DLG5: variants seen among roughly 807,000 people sequenced by gnomAD.
DLG5 encodes disks large homolog 5.
In DLG5, 48 loss-of-function variants were observed where a neutral mutation model predicts 189.8. The observed-to-expected ratio is 0.25, with a 90% CI of 0.20 to 0.32. The LOEUF (loss-of-function observed/expected upper bound fraction) is 0.32, where lower values mean the gene tolerates loss of function less well. DLG5 is among the 10% of genes least tolerant of loss of function. DLG5 has a pLI of 1.00. For synonymous variants in DLG5, 1,016 were observed against 1,054.1 expected (o/e 0.96, Z 0.70); for missense variants, 2,160 against 2,544.7 (o/e 0.85, Z 3.25).
intron 5 of DLG5, among the ~76,000 whole-genome samples, chr10:77,844,586 G>C (rs1843593093): frequency 6.6e-6 from 1 of 152,222 alleles, no homozygotes; most frequent in Non-Finnish European, 1.5e-5. Flanking sequence ...TCTAGCACTG[G>C]TCTAGGGGCT....
At chr10:77,921,461 A>G (rs978288674) in intron 1 of DLG5, among the ~76,000 whole-genome samples, 1 of 152,212 alleles carries the variant, frequency 6.6e-6, no homozygotes, top group Non-Finnish European at 1.5e-5. Context: ...ACAAACTTCC[A>G]GCTCTAATTT....
At chr10:77,878,645 G>A (rs947843327) in intron 1 of DLG5, among the ~76,000 whole-genome samples, 6 of 152,194 alleles carry the variant, frequency 3.9e-5, no homozygotes, top group Non-Finnish European at 5.9e-5. Context: ...CATGAGTGTC[G>A]CCTCTCAATA....
At chr10:77,793,769 G>A in intron 31 of DLG5, 1 of 553,452 alleles carries the variant, frequency 1.8e-6, no homozygotes, top group South Asian at 2.1e-5. Context: ...GTGAAAATGA[G>A]CAGGCAAGCC....
In DLG5 at chr10:77,853,336, TC is replaced by T; in HGVS notation, c.864+17del. The T allele has an allele frequency of 6.7e-7, 1 of 1,487,984 alleles. No homozygotes were observed. The highest frequency in any genetic ancestry group is 9.0e-7 in the Non-Finnish European group (1 of 1,105,190). The allele number at this position is 1,487,984 out of a possible 1,614,324, so 92.2% of individuals were successfully genotyped here. A position where few individuals can be genotyped will look rare whatever the true frequency, so the allele number is the denominator to read the frequency against. On this transcript the variant is annotated intron_variant, in intron 5 of 31. Coordinates refer to ENST00000372391, the MANE Select transcript of DLG5 (RefSeq NM_004747.4). ...GACTACTTGGGAGAAATGGCCAGTC[TC>T]CAGGGGCTGGGCCTACCTGCTGCTG...
At chr10:77,918,018 CA>C (rs946645342) in intron 1 of DLG5, among the ~76,000 whole-genome samples, 18 of 117,332 alleles carry the variant, frequency 1.5e-4, no homozygotes, top group East Asian at 2.9e-4. Context: ...AACTCTGTCT[CA>C]AAAAAAAAAA....
Position 77,854,085 on chromosome 10 carries a change from C to A in DLG5, c.680+142G>T, listed in dbSNP as rs150947380. 3.1e-3 allele frequency: 3,361 copies of A among 1,083,888 alleles called. 47 individuals are homozygous for A. The highest frequency in any genetic ancestry group is 0.027 in the South Asian group (1,638 of 59,686). The allele number at this position is 1,083,888 out of a possible 1,614,324, so 67.1% of individuals were successfully genotyped here. ...AAAACTGAGGCCCAAAGGCACAAAT[C>A]CACCTGCTGTAGGCAGACTGCTTGC... On this transcript the variant is annotated intron_variant, in intron 4 of 31. Coordinates refer to ENST00000372391, the MANE Select transcript of DLG5 (RefSeq NM_004747.4).
At chr10:77,888,237 G>C (rs1411228406) in intron 1 of DLG5, among the ~76,000 whole-genome samples, 1 of 152,204 alleles carries the variant, frequency 6.6e-6, no homozygotes, top group Non-Finnish European at 1.5e-5. Context: ...AGAGCAGAAT[G>C]AATTACTAGG....
intron 27 of DLG5, among the ~76,000 whole-genome samples, chr10:77,803,417 A>G (rs919750359): frequency 6.6e-6 from 1 of 152,236 alleles, no homozygotes; most frequent in Non-Finnish European, 1.5e-5. Flanking sequence ...TGGATTTAAA[A>G]AGTCCCACAT....
At chr10:77,798,716 T>A (rs1257188642) in intron 27 of DLG5, among the ~76,000 whole-genome samples, 1 of 152,190 alleles carries the variant, frequency 6.6e-6, no homozygotes, top group Non-Finnish European at 1.5e-5. Flanking sequence ...TAACACTTAT[T>A]CTGGATCGAC....
At chr10:77,875,034 A>G (rs911277545) in intron 1 of DLG5, among the ~76,000 whole-genome samples, 3 of 152,250 alleles carry the variant, frequency 2.0e-5, no homozygotes, top group African/African-American at 2.4e-5. Flanking sequence ...ATTAATTTCC[A>G]TAACAACCCA....
At chr10:77,910,163 G>A (rs1846177930) in intron 1 of DLG5, among the ~76,000 whole-genome samples, 1 of 152,206 alleles carries the variant, frequency 6.6e-6, no homozygotes, top group African/African-American at 2.4e-5. Context: ...ATGGACGAAT[G>A]CTGTGACGAA....
At chr10:77,856,453 GACACAC>G (rs58908767) in intron 3 of DLG5, among the ~76,000 whole-genome samples, 41 of 149,970 alleles carry the variant, frequency 2.7e-4, no homozygotes, top group South Asian at 4.2e-4. Context: ...CAGTGGTAGG[GACACAC>G]ACACACACAC....
chr10:77,926,655 C>A lies in DLG5; in HGVS notation c.-135G>T, dbSNP rs1377350000. The A allele has an allele frequency of 1.7e-6, 1 of 582,720 alleles. No homozygotes were observed. Among genetic ancestry groups the A allele is most frequent in the African/African-American group, 2.0e-5 (1 of 49,260 alleles). 36.1% of individuals were successfully genotyped at this position (582,720 alleles called of 1,614,324 possible). On this transcript the variant is annotated 5_prime_UTR_variant, in exon 1 of 32. Transcript: ENST00000372391. The surrounding 1 kb of genome is among the most constrained non-coding windows in gnomAD (Gnocchi z 5.2). ...AGGCGGCGGGAGCCATGGGCCGGGG[C>A]CTGGGCGGGCTGGGGGCCCGGGGCG...
intron 20 of DLG5, among the ~76,000 whole-genome samples, chr10:77,814,457 A>ATG (rs1841936331): frequency 8.8e-6 from 1 of 113,874 alleles, no homozygotes; most frequent in Non-Finnish European, 1.8e-5. Flanking sequence ...ATAATAAAGC[A>ATG]TGTTTATATA....
the DLG5 span, among the ~76,000 whole-genome samples, chr10:77,935,886 T>C: frequency 1.3e-5 from 2 of 152,150 alleles, no homozygotes; most frequent in Non-Finnish European, 2.9e-5. Context: ...GATGCAACAT[T>C]TAAAAGGATT....
intron 14 of DLG5, 68 bp downstream of exon 14, chr10:77,824,316 T>C (rs1842508152): frequency 1.7e-6 from 2 of 1,210,236 alleles, no homozygotes; most frequent in South Asian, 1.3e-5. Context: ...AGGAGTAGCA[T>C]GGCTATGTGG....
rs1842066841 is a variant in DLG5 at position 77,816,644 on chromosome 10, G to A, written c.3932C>T (p.Thr1311Ile). The change falls in exon 20 of 32, where the codon ACC becomes ATC. Residue 1311 changes from threonine to isoleucine, a missense_variant. By Grantham distance (89) the Thr-to-Ile change is moderately conservative. Coordinates refer to ENST00000372391, the MANE Select transcript of DLG5 (RefSeq NM_004747.4). ...CTGGGACTGGCTACAAGAGGACAGG[G>A]TGTCGATGTTCAGGGGTGACTGTGG... ...TPPQSPLNID[T>I]LSSCSQSQTS... The A allele has an allele frequency of 1.2e-6, 2 of 1,614,048 alleles. No homozygotes were observed. Among genetic ancestry groups the A allele is most frequent in the African/African-American group, 1.3e-5 (1 of 74,934 alleles).
At position 77,918,356 on chromosome 10, in the gene DLG5, G is replaced by A. The variant is rs528021282; in HGVS notation, c.304+7861C>T. Among the ~76,000 whole-genome samples the A allele has an allele frequency of 1.8e-3, 275 of 152,024 alleles. 1 individual carries two copies. Among genetic ancestry groups the A allele is most frequent in the African/African-American group, 6.2e-3 (257 of 41,484 alleles). On this transcript the variant is annotated intron_variant, in intron 1 of 31. Transcript: ENST00000372391. ...GCAACTGGGGAGGCGAAGGTTGCATGAGCCGAGATCGCACCATTGCACTCC... is the reference window on the plus strand; with the variant it reads ...GCAACTGGGGAGGCGAAGGTTGCATAAGCCGAGATCGCACCATTGCACTCC...
intron 26 of DLG5, 115 bp downstream of exon 26, chr10:77,806,643 G>A (rs1396668153): frequency 2.2e-6 from 3 of 1,369,110 alleles, no homozygotes; most frequent in African/African-American, 1.4e-5. Flanking sequence ...AAGATAAGAA[G>A]CAGAATCCCT....
Sources: gnomAD v4.1 joint callset for allele counts (sites outside exome capture counted in the v4.1 genomes callset) on GRCh38, gnomAD v4.1.1 for gene constraint, Gnocchi (gnomAD v3.1) non-coding constraint, MANE v1.5 for transcripts, NCBI Gene and HGNC (gene_info 2026-07-23, HGNC 2026-07-21) for gene names.